Variants in DISP1 observed in about 807,000 individuals in gnomAD.
DISP1 encodes protein dispatched homolog 1.
A neutral mutation model predicts 37.3 loss-of-function variants in DISP1; 30 were observed. That is an observed-to-expected ratio of 0.80 (90% confidence interval 0.60 to 1.09). The LOEUF (loss-of-function observed/expected upper bound fraction) is 1.09, where lower values mean the gene tolerates loss of function less well. Among genes scored for constraint, DISP1 ranks in the 50% least tolerant of loss-of-function variants. The probability of loss-of-function intolerance (pLI) is 0.00; values close to 1 mark genes in which losing one functional copy is unlikely to be tolerated. For missense variants in DISP1, 1,598 were observed against 1,879.5 expected, an observed-to-expected ratio of 0.85 and a Z score of 2.77; for synonymous variants, 634 against 690.2, an observed-to-expected ratio of 0.92 and a Z score of 1.28.
intron 3 of DISP1, among the ~76,000 whole-genome samples, chr1:222,964,560 A>G (rs1676327143): frequency 6.6e-6 from 1 of 152,196 alleles, no homozygotes; most frequent in African/African-American, 2.4e-5. Context: ...ATAGAACTGA[A>G]ATCACATGGA....
At chr1:223,001,563 C>A (rs1478177512) in intron 8 of DISP1, among the ~76,000 whole-genome samples, 1 of 152,124 alleles carries the variant, frequency 6.6e-6, no homozygotes, top group Admixed American at 6.6e-5. Flanking sequence ...CAAAATACCT[C>A]GGACTGGGTA....
intron 3 of DISP1, among the ~76,000 whole-genome samples, chr1:222,982,485 TC>T (rs377507192): frequency 6.6e-5 from 10 of 152,304 alleles, no homozygotes; most frequent in African/African-American, 2.2e-4. Flanking sequence ...TTATCCTATA[TC>T]TGGGAGGCAA....
At chr1:222,941,878 A>G (rs1307548676) in intron 2 of DISP1, among the ~76,000 whole-genome samples, 1 of 149,044 alleles carries the variant, frequency 6.7e-6, no homozygotes, top group African/African-American at 2.5e-5. Flanking sequence ...GTTGGCTTTT[A>G]TGTATATGTT....
chr1:222,967,294 G>C (rs1207434010), intron 3 of DISP1, among the ~76,000 whole-genome samples: 4 of 152,142 alleles, frequency 2.6e-5, no homozygotes, highest in Non-Finnish European at 5.9e-5. Flanking sequence ...TGCTTTCCCA[G>C]TTGCATCTCT....
intron 1 of DISP1, among the ~76,000 whole-genome samples, chr1:222,841,591 T>C (rs1667614235): frequency 6.6e-6 from 1 of 152,202 alleles, no homozygotes. Context: ...TCCAGAAGAC[T>C]GCCCTTACTA....
chr1:222,848,347 T>C (rs921198500), intron 1 of DISP1, among the ~76,000 whole-genome samples: 2 of 152,148 alleles, frequency 1.3e-5, no homozygotes, highest in Non-Finnish European at 2.9e-5. Context: ...CAACACGTAT[T>C]AGCGACTATT....
chr1:222,864,477 C>G (rs1198341559), intron 1 of DISP1, among the ~76,000 whole-genome samples: 1 of 151,842 alleles, frequency 6.6e-6, no homozygotes, highest in Admixed American at 6.6e-5. Context: ...TAGGAGTCCT[C>G]TCATTTTTTT....
intron 1 of DISP1, among the ~76,000 whole-genome samples, chr1:222,890,912 T>C (rs1670903370): frequency 6.6e-6 from 1 of 152,090 alleles, no homozygotes; most frequent in Non-Finnish European, 1.5e-5. Flanking sequence ...TTCCTCTTTT[T>C]ATAAGGACAT....
rs895819991 is a variant in DISP1 at position 222,835,842 on chromosome 1, C to T, written c.-159+20764C>T. On this transcript the variant is annotated intron_variant, in intron 1 of 8. Transcript: ENST00000675850. Reference sequence around the variant, plus strand: ...TGGCACACGCCTGTAATCCCAGCTACTTGGGAGGCTGAGGCAAGAGAATTG... The same window carrying T: ...TGGCACACGCCTGTAATCCCAGCTATTTGGGAGGCTGAGGCAAGAGAATTG... 3.3e-5 allele frequency among the ~76,000 whole-genome samples: 5 copies of T among 151,424 alleles called. No individual in the cohort carries two copies. In the East Asian group the frequency reaches 9.7e-4, roughly 29 times the overall value.
chr1:222,950,942 C>G (rs1675176042), intron 3 of DISP1, among the ~76,000 whole-genome samples: 1 of 152,204 alleles, frequency 6.6e-6, no homozygotes, highest in Non-Finnish European at 1.5e-5. Context: ...AAGAAATATT[C>G]TTGATTGTAA....
At chr1:222,980,653 G>T (rs1558066780) in intron 3 of DISP1, among the ~76,000 whole-genome samples, 1 of 152,026 alleles carries the variant, frequency 6.6e-6, no homozygotes, top group Non-Finnish European at 1.5e-5. Flanking sequence ...ATAAGATATG[G>T]TTCCTTTTTA....
chr1:222,894,377 C>T (rs78371912), intron 1 of DISP1, among the ~76,000 whole-genome samples: 11,972 of 152,204 alleles, frequency 0.079, 563 homozygotes, highest in East Asian at 0.24. Flanking sequence ...CCCTCAGTGC[C>T]CCCTCGGGCT....
At chr1:222,832,835 G>A (rs1666093602) in intron 1 of DISP1, among the ~76,000 whole-genome samples, 1 of 151,228 alleles carries the variant, frequency 6.6e-6, no homozygotes, top group African/African-American at 2.5e-5. Context: ...GGTGGAAGTT[G>A]CAGTGAGCCG....
At chr1:222,964,248 A>G (rs1020718758) in intron 3 of DISP1, among the ~76,000 whole-genome samples, 2 of 151,308 alleles carry the variant, frequency 1.3e-5, no homozygotes, top group East Asian at 3.9e-4. Context: ...GCAGCAAACC[A>G]AGATCGCACC....
intron 3 of DISP1, among the ~76,000 whole-genome samples, chr1:222,967,052 A>G (rs935516193): frequency 4.3e-4 from 66 of 152,230 alleles, no homozygotes; most frequent in African/African-American, 1.5e-3. Flanking sequence ...TAATAAACCC[A>G]ATTCCACTCT....
chr1:222,858,918 G>C (rs866275487), intron 1 of DISP1, among the ~76,000 whole-genome samples: 15 of 152,334 alleles, frequency 9.8e-5, no homozygotes, highest in Middle Eastern at 6.8e-3. Flanking sequence ...GTGGAAAACA[G>C]TGTGATGATT....
intron 2 of DISP1, among the ~76,000 whole-genome samples, chr1:222,938,090 C>T (rs3101114): frequency 0.25 from 38,367 of 151,842 alleles, 5,047 homozygotes; most frequent in South Asian, 0.47. Flanking sequence ...TCAGGCTTGT[C>T]TCAAACTCCT....
intron 1 of DISP1, among the ~76,000 whole-genome samples, chr1:222,917,589 T>C (rs1024844638): frequency 1.3e-5 from 2 of 152,198 alleles, no homozygotes; most frequent in African/African-American, 4.8e-5. Flanking sequence ...TTGGTTCATA[T>C]TGTCCTTTTG....
chr1:222,885,970 G>T (rs559604521), intron 1 of DISP1, among the ~76,000 whole-genome samples: 2 of 151,992 alleles, frequency 1.3e-5, no homozygotes, highest in South Asian at 4.2e-4. Flanking sequence ...AAAGCATCAC[G>T]ATTTTCTGGT....
Sources: allele counts gnomAD v4.1 joint callset (sites outside exome capture counted in the v4.1 genomes callset), GRCh38; gene constraint gnomAD v4.1.1; transcripts MANE v1.5; gene names NCBI Gene and HGNC (gene_info 2026-07-23, HGNC 2026-07-21).